Variants in SBF2 observed in about 807,000 individuals in gnomAD.
SBF2 encodes SET binding factor 2.
Under a neutral mutation model 225.2 loss-of-function variants are expected in SBF2, and 112 were observed. That is an observed-to-expected ratio of 0.50 (90% CI 0.43 to 0.58). The LOEUF is 0.58. Among genes scored for constraint, SBF2 ranks in the 20% least tolerant of loss-of-function variants. The pLI is 0.00. For missense variants in SBF2, 1,996 were observed against 2,206.2 expected (o/e 0.90, Z 1.91); for synonymous variants, 763 against 773.3 (o/e 0.99, Z 0.22).
In SBF2 at chr11:9,818,356, A is replaced by G. The variant is rs148218870; in HGVS notation, c.3794-1332T>C. ...GAAAAATCAAGGATTTCTATATGCA[A>G]GTGAGACTATTAAATATCAAACATC... On this transcript the variant is annotated intron_variant, in intron 28 of 39. Transcript: ENST00000256190. Among the ~76,000 whole-genome samples, 316 of 152,378 alleles carry G rather than the reference A, an allele frequency of 2.1e-3. 1 individual carries two copies. The highest frequency in any genetic ancestry group is 7.1e-3 in the African/African-American group (295 of 41,598).
At chr11:10,138,320 G>A (rs573894829) in intron 2 of SBF2, among the ~76,000 whole-genome samples, 3 of 152,158 alleles carry the variant, frequency 2.0e-5, no homozygotes, top group East Asian at 3.9e-4. Context: ...ACTGACTATA[G>A]GGTCTCTAGT....
chr11:9,963,842 T>C lies in SBF2; in HGVS notation c.1641A>G (p.Ala547=). Residue 547 remains alanine, a synonymous_variant, in exon 15 of 40, where the codon GCA becomes GCG. Coordinates refer to ENST00000256190, the MANE Select transcript of SBF2 (RefSeq NM_030962.4). ...AGTTTCTGACAACTTCTAGTCTTTG[T>C]GCACTGTTGAAAACTGTCGTCACCT... ...MDKVTTVFNS[A]QRLEVVRNCI... 6.2e-7 allele frequency: 1 copy of C among 1,611,610 alleles called. No individual in the cohort carries two copies. The highest frequency in any genetic ancestry group is 1.1e-5 in the South Asian group (1 of 90,874).
intron 16 of SBF2, among the ~76,000 whole-genome samples, chr11:9,939,850 A>G (rs577911587): frequency 9.6e-4 from 146 of 152,356 alleles, no homozygotes; most frequent in Middle Eastern, 3.4e-3. Flanking sequence ...AGTAATAATT[A>G]AAAAGAATGT....
At chr11:10,063,932 T>C (rs1045592897) in intron 2 of SBF2, among the ~76,000 whole-genome samples, 4 of 151,064 alleles carry the variant, frequency 2.6e-5, no homozygotes, top group Non-Finnish European at 4.4e-5. Context: ...TGGCCTAAAA[T>C]ATAAGTAACA....
chr11:9,901,073 G>A (rs1036314186), intron 16 of SBF2, among the ~76,000 whole-genome samples: 1 of 151,922 alleles, frequency 6.6e-6, no homozygotes, highest in Non-Finnish European at 1.5e-5. Flanking sequence ...TTTATTTCTT[G>A]ACTTATGGTT....
chr11:10,073,502 C>G (rs944983556), intron 2 of SBF2, among the ~76,000 whole-genome samples: 11 of 152,132 alleles, frequency 7.2e-5, no homozygotes, highest in African/African-American at 2.4e-4. Context: ...CACTTGAGGT[C>G]AGGAGTTTGA....
At chr11:10,019,329 G>C (rs758371290) in intron 6 of SBF2, among the ~76,000 whole-genome samples, 2 of 152,194 alleles carry the variant, frequency 1.3e-5, no homozygotes, top group Non-Finnish European at 2.9e-5. Flanking sequence ...GGTACACGTG[G>C]TAAGCAGTTC....
rs1590813319 is a variant in SBF2 at position 10,038,612 on chromosome 11, G to C, written c.279+4232C>G. On this transcript the variant is annotated intron_variant, in intron 3 of 39. Transcript: ENST00000256190. Reference sequence around the variant, plus strand: ...TGGAATGGTTTTGTACTTAAGTTTTGGTTCTGCTTCCCAAGCTAGATTTGA... The same window carrying C: ...TGGAATGGTTTTGTACTTAAGTTTTCGTTCTGCTTCCCAAGCTAGATTTGA... Among the ~76,000 whole-genome samples, 3 of 151,900 alleles carry C rather than the reference G, an allele frequency of 2.0e-5. No individual in the cohort carries two copies. The South Asian group carries it at 6.2e-4, about 32-fold the overall frequency.
At chr11:10,148,410 C>A (rs907212596) in intron 2 of SBF2, among the ~76,000 whole-genome samples, 1 of 152,068 alleles carries the variant, frequency 6.6e-6, no homozygotes, top group Non-Finnish European at 1.5e-5. Flanking sequence ...TACATGGGGG[C>A]TATCTGAGTC....
intron 7 of SBF2, 136 bp downstream of exon 7, chr11:10,002,421 T>C (rs1948009221): frequency 2.8e-6 from 2 of 714,692 alleles, no homozygotes; most frequent in Non-Finnish European, 4.7e-6. Flanking sequence ...TTATCAGAAC[T>C]ATGACTCATA....
chr11:10,249,365 G>A (rs1960120622), intron 1 of SBF2, among the ~76,000 whole-genome samples: 1 of 152,086 alleles, frequency 6.6e-6, no homozygotes, highest in East Asian at 1.9e-4. Context: ...ATCTACTAAT[G>A]TAAGAGTGAA....
At chr11:10,068,690 T>C (rs1289021519) in intron 2 of SBF2, among the ~76,000 whole-genome samples, 2 of 152,152 alleles carry the variant, frequency 1.3e-5, no homozygotes, top group Non-Finnish European at 2.9e-5. Context: ...ATAGTAGCTA[T>C]TGTATTATCA....
chr11:9,812,751 A>C (rs780391917), intron 29 of SBF2, 43 bp from the exon 30 acceptor site: 9 of 1,597,638 alleles, frequency 5.6e-6, no homozygotes, highest in Non-Finnish European at 6.9e-6. Context: ...GAAGTGCTAT[A>C]GGTAAAAGAG....
intron 2 of SBF2, among the ~76,000 whole-genome samples, chr11:10,066,602 G>A (rs949305203): frequency 9.2e-5 from 14 of 152,100 alleles, no homozygotes; most frequent in African/African-American, 3.4e-4. Flanking sequence ...AGTACACTAG[G>A]AGAAAAACCA....
chr11:9,992,883 C>T (rs1947500624), intron 11 of SBF2, 107 bp downstream of exon 11: 2 of 762,426 alleles, frequency 2.6e-6, no homozygotes, highest in African/African-American at 1.8e-5. Context: ...TAAATAATCA[C>T]ATTTGATAAA....
intron 1 of SBF2, among the ~76,000 whole-genome samples, chr11:10,211,014 C>CGAAAAAAAA (rs1957924115): frequency 3.0e-5 from 1 of 33,054 alleles, no homozygotes; most frequent in Non-Finnish European, 6.5e-5. Context: ...ACTCTTGACT[C>CGAAAAAAAA]AAAAAAAAAA....
chr11:9,916,887 A>C (rs566892740), intron 16 of SBF2, among the ~76,000 whole-genome samples: 1 of 148,256 alleles, frequency 6.7e-6, no homozygotes, highest in East Asian at 1.9e-4. Flanking sequence ...CCTGACCCTG[A>C]ACTTGTTTCT....
At position 10,207,420 on chromosome 11, in the gene SBF2, T is replaced by C. The variant is rs146158183; in HGVS notation, c.56-13433A>G. Among the ~76,000 whole-genome samples, 407 of 152,198 alleles carry C rather than the reference T, an allele frequency of 2.7e-3. 10 individuals are homozygous for C. Among genetic ancestry groups the C allele is most frequent in the Admixed American group, 0.025 (382 of 15,286 alleles). ...AAAACAAAAATACAAATCCAAGTCA[T>C]CCTCAATCTAGTACTTAAATACTTC... is the stretch of plus-strand genomic sequence containing the variant. On this transcript the variant is annotated intron_variant, in intron 1 of 39. Coordinates refer to ENST00000256190, the MANE Select transcript of SBF2 (RefSeq NM_030962.4).
At chr11:9,793,112 T>A (rs1852867088) in intron 33 of SBF2, among the ~76,000 whole-genome samples, 1 of 152,024 alleles carries the variant, frequency 6.6e-6, no homozygotes, top group Admixed American at 6.6e-5. Flanking sequence ...ACATGTTTCA[T>A]AGGATGGAAA....
Sources: allele counts gnomAD v4.1 joint callset (sites outside exome capture counted in the v4.1 genomes callset), GRCh38; gene constraint gnomAD v4.1.1; transcripts MANE v1.5; gene names NCBI Gene and HGNC (gene_info 2026-07-23, HGNC 2026-07-21).